The following CNTN4 variants were observed in gnomAD, a reference collection of about 807,000 sequenced individuals.
The protein encoded by CNTN4 is contactin 4, also known as contactin-4.
In CNTN4, 77 loss-of-function variants were observed where a neutral mutation model predicts 122.5. The ratio of observed to expected loss-of-function variants is 0.63; its 90% CI spans 0.52 to 0.76. CNTN4 has a LOEUF of 0.76. Ranked by LOEUF, CNTN4 falls within the 30% of genes least tolerant of loss-of-function variation. CNTN4 has a pLI of 0.00. For synonymous variants in CNTN4, 512 were observed against 447.0 expected (o/e 1.15, Z -1.83); for missense variants, 1,256 against 1,259.1 (o/e 1.00, Z 0.04).
At chr3:2,323,219 A>G (rs987093690) in intron 2 of CNTN4, among the ~76,000 whole-genome samples, 5 of 152,148 alleles carry the variant, frequency 3.3e-5, no homozygotes, top group Admixed American at 6.5e-5. Context: ...GAAGTCTCCT[A>G]TAGGAAAGCC....
chr3:2,641,137 T>A (rs975679282), intron 4 of CNTN4, among the ~76,000 whole-genome samples: 6 of 152,150 alleles, frequency 3.9e-5, no homozygotes, highest in African/African-American at 1.2e-4. Context: ...TATGTTTTTT[T>A]AAAAAAGAAA....
intron 2 of CNTN4, among the ~76,000 whole-genome samples, chr3:2,164,534 C>G (rs1264735627): frequency 2.6e-5 from 4 of 152,144 alleles, no homozygotes; most frequent in Non-Finnish European, 4.4e-5. Context: ...TCACTACAAG[C>G]TGGTGAAGAT....
intron 5 of CNTN4, among the ~76,000 whole-genome samples, chr3:2,737,539 A>C (rs1057184928): frequency 6.6e-6 from 1 of 152,242 alleles, no homozygotes; most frequent in Non-Finnish European, 1.5e-5. Flanking sequence ...TCATAACCAC[A>C]TATATTTAAC....
intron 18 of CNTN4, 111 bp from the exon 19 acceptor site, chr3:3,038,822 G>T: frequency 1.3e-6 from 1 of 790,326 alleles, no homozygotes; most frequent in East Asian, 2.5e-5. Flanking sequence ...AGAGACAAAG[G>T]GGCGTGCCTC....
chr3:2,560,938 A>T (rs1334526091), intron 3 of CNTN4, among the ~76,000 whole-genome samples: 3 of 152,144 alleles, frequency 2.0e-5, no homozygotes, highest in Admixed American at 6.6e-5. Context: ...TTATGTTTGA[A>T]ATCTTATTTC....
At chr3:2,160,443 C>A (rs1262320765) in intron 2 of CNTN4, among the ~76,000 whole-genome samples, 1 of 152,124 alleles carries the variant, frequency 6.6e-6, no homozygotes, top group African/African-American at 2.4e-5. Flanking sequence ...GCTATGACTT[C>A]TGGCAAGTCA....
At chr3:2,943,630 A>ATTT (rs367606924) in intron 13 of CNTN4, among the ~76,000 whole-genome samples, 46,641 of 127,214 alleles carry the variant, frequency 0.37, 9,790 homozygotes, top group Middle Eastern at 0.54. Context: ...ATATATATAT[A>ATTT]TTTTTTTTTT....
At chr3:2,356,742 C>G (rs921782691) in intron 3 of CNTN4, among the ~76,000 whole-genome samples, 1 of 152,152 alleles carries the variant, frequency 6.6e-6, no homozygotes, top group African/African-American at 2.4e-5. Flanking sequence ...TGCTCTTGTT[C>G]AAACACCTCT....
intron 14 of CNTN4, 41 bp from the exon 15 acceptor site, chr3:3,026,061 A>C: frequency 6.4e-7 from 1 of 1,572,510 alleles, no homozygotes; most frequent in Non-Finnish European, 8.7e-7. Flanking sequence ...AAGCTCACAG[A>C]CTTTGTTGTT....
intron 14 of CNTN4, among the ~76,000 whole-genome samples, chr3:3,004,557 G>A (rs1307536429): frequency 6.6e-6 from 1 of 152,234 alleles, no homozygotes; most frequent in Admixed American, 6.5e-5. Context: ...AGGCTTTGAA[G>A]ATAGACAAAT....
At chr3:2,748,459 T>C (rs1413509448) in intron 6 of CNTN4, among the ~76,000 whole-genome samples, 2 of 152,152 alleles carry the variant, frequency 1.3e-5, no homozygotes, top group African/African-American at 4.8e-5. Flanking sequence ...CCTAGTTTAG[T>C]GTCAGCAGAA....
chr3:2,131,381 T>G (rs936058501), intron 2 of CNTN4, among the ~76,000 whole-genome samples: 1 of 152,172 alleles, frequency 6.6e-6, no homozygotes, highest in African/African-American at 2.4e-5. Flanking sequence ...TATCAGGTGA[T>G]GGAGTATCAG....
intron 3 of CNTN4, among the ~76,000 whole-genome samples, chr3:2,386,768 A>G (rs1362836590): frequency 1.3e-5 from 2 of 152,236 alleles, no homozygotes; most frequent in African/African-American, 4.8e-5. Context: ...TTTTAAAATT[A>G]TTTGAGATGA....
intron 3 of CNTN4, among the ~76,000 whole-genome samples, chr3:2,470,762 G>A (rs758439668): frequency 1.3e-5 from 2 of 152,198 alleles, no homozygotes; most frequent in Non-Finnish European, 2.9e-5. Context: ...TCTCGTTTTA[G>A]GAATATAGCA....
At chr3:2,300,657 T>C (rs1016273532) in intron 2 of CNTN4, among the ~76,000 whole-genome samples, 1 of 142,154 alleles carries the variant, frequency 7.0e-6, no homozygotes, top group African/African-American at 2.6e-5. Context: ...CTGCAACCTC[T>C]GCCTCCCGGG....
intron 13 of CNTN4, among the ~76,000 whole-genome samples, chr3:2,945,804 C>T (rs1205287984): frequency 3.9e-5 from 6 of 152,114 alleles, no homozygotes. Context: ...TGGCCATTGC[C>T]TAGAGGATAG....
chr3:2,917,363 G>A (rs1048708849), intron 12 of CNTN4, among the ~76,000 whole-genome samples: 4 of 151,994 alleles, frequency 2.6e-5, no homozygotes, highest in South Asian at 2.1e-4. Flanking sequence ...AGACGGAGAC[G>A]GAGAGGTGTA....
chr3:2,260,141 T>C (rs1179364417), intron 2 of CNTN4, among the ~76,000 whole-genome samples: 5 of 152,110 alleles, frequency 3.3e-5, no homozygotes, highest in Admixed American at 6.6e-5. Flanking sequence ...AGCAATTCTT[T>C]TACTTTCTAC....
At chr3:2,878,594 T>A (rs1292136965) in intron 8 of CNTN4, among the ~76,000 whole-genome samples, 1 of 151,740 alleles carries the variant, frequency 6.6e-6, no homozygotes, top group Non-Finnish European at 1.5e-5. Flanking sequence ...TGTGTGTCTT[T>A]CTGTCTGTCT....
Sources: allele counts gnomAD v4.1 joint callset (sites outside exome capture counted in the v4.1 genomes callset), GRCh38; gene constraint gnomAD v4.1.1; transcripts MANE v1.5; gene names NCBI Gene and HGNC (gene_info 2026-07-23, HGNC 2026-07-21).